Variants in SVIL observed in about 807,000 individuals in gnomAD.
The protein encoded by SVIL is archvillin.
In SVIL, 101 loss-of-function variants were observed where a neutral mutation model predicts 240.4. That is an observed-to-expected ratio of 0.42 (90% confidence interval 0.36 to 0.50). The LOEUF is 0.50. SVIL is among the 20% of genes least tolerant of loss of function. The probability of loss-of-function intolerance (pLI) is 0.01; values close to 1 mark genes in which losing one functional copy is unlikely to be tolerated. For synonymous variants in SVIL, 999 were observed against 1,100.0 expected, an observed-to-expected ratio of 0.91 and a Z score of 1.82; for missense variants, 2,512 against 2,818.7, an observed-to-expected ratio of 0.89 and a Z score of 2.46.
At chr10:29,578,370 A>C (rs1453725210) in intron 1 of SVIL, among the ~76,000 whole-genome samples, 1 of 152,238 alleles carries the variant, frequency 6.6e-6, no homozygotes, top group Admixed American at 6.5e-5. Context: ...ATAGGCTAAA[A>C]ATCCAGGAGA....
chr10:29,568,821 G>GGATA lies in SVIL; in HGVS notation c.-143+433_-143+434insTATC, dbSNP rs1554859019. On this transcript the variant is annotated intron_variant, in intron 2 of 37. Coordinates refer to ENST00000355867, the MANE Select transcript of SVIL (RefSeq NM_021738.3). Reference sequence around the variant, plus strand: ...TGGATGGATGGATGGATGGATGGATGTGTGTGTGTGTGTGTTTGTGTATGT... The same window carrying GGATA: ...TGGATGGATGGATGGATGGATGGATGGATATGTGTGTGTGTGTGTTTGTGTATGT... Among the ~76,000 whole-genome samples the GGATA allele has an allele frequency of 1.5e-3, 192 of 130,782 alleles. 2 individuals carry two copies. Among genetic ancestry groups the GGATA allele is most frequent in the Middle Eastern group, 8.3e-3 (2 of 242 alleles). 85.8% of individuals were successfully genotyped at this position (130,782 alleles called of 152,430 possible).
intron 16 of SVIL, among the ~76,000 whole-genome samples, chr10:29,518,996 C>T (rs1490596265): frequency 6.6e-6 from 1 of 152,158 alleles, no homozygotes; most frequent in African/African-American, 2.4e-5. Flanking sequence ...CACAACAAGG[C>T]TGAAGAAGAC....
intron 1 of SVIL, among the ~76,000 whole-genome samples, chr10:29,586,484 A>G (rs1956170893): frequency 6.6e-6 from 1 of 152,110 alleles, no homozygotes; most frequent in Non-Finnish European, 1.5e-5. Context: ...TATTCCACTT[A>G]GCTCACTTGT....
At chr10:29,686,793 C>T (rs1961098034) in intron 1 of SVIL, 2 of 152,210 alleles carry the variant, frequency 1.3e-5, no homozygotes, top group Admixed American at 1.3e-4. Context: ...ATATTCCTCA[C>T]TTCCATATGA....
chr10:29,584,262 G>A lies in SVIL; in HGVS notation c.-200-14950C>T, dbSNP rs563885061. On this transcript the variant is annotated intron_variant, in intron 1 of 37. Coordinates refer to ENST00000355867, the MANE Select transcript of SVIL (RefSeq NM_021738.3). ...TCCCATCCCTCTGCATGGTAAATGC[G>A]CCTGACAGCAATCACTTAGGCACAC... Among the ~76,000 whole-genome samples the A allele has an allele frequency of 8.5e-4, 129 of 152,320 alleles. 1 individual carries two copies. The highest frequency in any genetic ancestry group is 2.7e-3 in the African/African-American group (113 of 41,582).
chr10:29,548,201 T>G (rs4747668), intron 6 of SVIL, among the ~76,000 whole-genome samples: 64,087 of 152,030 alleles, frequency 0.42, 13,554 homozygotes, highest in East Asian at 0.43. Flanking sequence ...GTCTGCTTCA[T>G]ATGTGTTACT....
At chr10:29,509,358 A>AGAGAGAGAGAGAGAGAGAGAG (rs1949646864) in intron 17 of SVIL, among the ~76,000 whole-genome samples, 5 of 128,862 alleles carry the variant, frequency 3.9e-5, no homozygotes, top group African/African-American at 1.5e-4. Context: ...AGAGAGAGAG[A>AGAGAGAGAGAGAGAGAGAGAG]GAGAGAGAGA....
chr10:29,641,079 G>T (rs1230680616), intron 3 of SVIL, among the ~76,000 whole-genome samples: 1 of 152,072 alleles, frequency 6.6e-6, no homozygotes, highest in African/African-American at 2.4e-5. Context: ...AATCGTCCCA[G>T]ATCCTGGCCC....
At chr10:29,514,938 G>GT (rs1950111888) in intron 16 of SVIL, among the ~76,000 whole-genome samples, 1 of 152,168 alleles carries the variant, frequency 6.6e-6, no homozygotes, top group African/African-American at 2.4e-5. Context: ...CGACATCTAC[G>GT]TATGTGTACA....
rs562345433 is a variant in SVIL at position 29,487,468 on chromosome 10, T to C, written c.4349-169A>G. The stretch of plus-strand genomic sequence containing the variant: ...GCAGGGGGATTTAGAAAGGGCATGA[T>C]GATGGCACTAGCGGCTGCTTTCCTG... On this transcript the variant is annotated intron_variant, in intron 23 of 37. Transcript: ENST00000355867. The C allele has an allele frequency of 2.9e-4, 206 of 718,836 alleles. 3 individuals are homozygous for C. In the South Asian group the frequency reaches 4.1e-3, roughly 14 times the overall value. The allele number at this position is 718,836 out of a possible 1,614,324, so 44.5% of individuals were successfully genotyped here.
At chr10:29,551,864 G>A (rs555265199) in intron 5 of SVIL, among the ~76,000 whole-genome samples, 18 of 152,180 alleles carry the variant, frequency 1.2e-4, no homozygotes, top group African/African-American at 4.3e-4. Context: ...TAATCCCAGC[G>A]CTTTGGGAAA....
In SVIL at chr10:29,609,437, A is replaced by G. The variant is rs763360551; in HGVS notation, c.-201+24983T>C. Among the ~76,000 whole-genome samples the G allele has an allele frequency of 7.9e-5, 12 of 152,338 alleles. No homozygotes were observed. In the South Asian group the frequency reaches 1.2e-3, roughly 16 times the overall value. On this transcript the variant is annotated intron_variant, in intron 1 of 37. Coordinates refer to ENST00000355867, the MANE Select transcript of SVIL (RefSeq NM_021738.3). ...GTCCAGCCCATGAGCCACGGGCCAG[A>G]GCAAGGTGGTGGGACTGAAAGAGCT...
chr10:29,526,595 G>T (rs534123959), intron 13 of SVIL, among the ~76,000 whole-genome samples: 164 of 152,178 alleles, frequency 1.1e-3, no homozygotes, highest in African/African-American at 3.8e-3. Flanking sequence ...GAGCCACCGC[G>T]CCTGGCCAAT....
chr10:29,488,474 CA>C, intron 23 of SVIL, 126 bp downstream of exon 23: 1 of 1,148,052 alleles, frequency 8.7e-7, no homozygotes, highest in Non-Finnish European at 1.2e-6. Flanking sequence ...AAGGAACACA[CA>C]ATAAGTTCTC....
Position 29,512,851 on chromosome 10 carries a change from A to C in SVIL, c.3400T>G (p.Leu1134Val), listed in dbSNP as rs1949940136. 6.2e-7 allele frequency: 1 copy of C among 1,610,370 alleles called. No individual in the cohort carries two copies. The highest frequency in any genetic ancestry group is 1.3e-5 in the African/African-American group (1 of 74,856). ...CAATCTTCCTCCCCGCTTTTCTTCA[A>C]CAGTGCCAATCTAGGAGGAAAACAT... ...TMSIKERLAL[L>V]KKSGEEDWRN... Residue 1134 changes from leucine (L) to valine (V), a missense_variant, in exon 17 of 38, where the codon TTG becomes GTG. By Grantham distance (32) the Leu-to-Val change is conservative. This residue lies in a region of SVIL where 1,443 missense variants were observed against 1,486.6 expected (regional missense o/e 0.97). Coordinates refer to ENST00000355867, the MANE Select transcript of SVIL (RefSeq NM_021738.3).
rs184830772 is a variant in SVIL at position 29,676,890 on chromosome 10, A to G, written c.-301+9663T>C. On this transcript the variant is annotated intron_variant, in intron 2 of 35. Coordinates refer to the SVIL transcript ENST00000375400. ...CCTTGGGTCTTGGAAACACCTGTGG[A>G]GATTTAGCCTTGGTAACAACAGAGT... Among the ~76,000 whole-genome samples, 203 of 152,186 alleles carry G rather than the reference A, an allele frequency of 1.3e-3. 2 individuals are homozygous for G. Among genetic ancestry groups the G allele is most frequent in the African/African-American group, 4.7e-3 (194 of 41,520 alleles).
chr10:29,554,785 A>T lies in SVIL; in HGVS notation c.158T>A (p.Ile53Asn). Residue 53 changes from isoleucine (I) to asparagine (N), a missense_variant and splice_region_variant, in exon 5 of 38, where the codon ATC becomes AAC. Around this residue, in one of 3 missense-constraint regions of SVIL, gnomAD observed 1,443 missense variants for 1,486.6 expected, o/e 0.97. Coordinates refer to ENST00000355867, the MANE Select transcript of SVIL (RefSeq NM_021738.3). The part of the protein sequence containing the change: ...MRASDPASPH[I>N]GRSNEEEETS... ...GGGCCACCCAGCTCCACGCTCACCG[A>T]TGTGGGGGCTGGCAGGGTCGCTGGC... 2 of 1,593,536 alleles carry T rather than the reference A, an allele frequency of 1.3e-6. No homozygotes were observed. The highest frequency in any genetic ancestry group is 1.7e-6 in the Non-Finnish European group (2 of 1,171,258).
chr10:29,706,541 T>C (rs1589551153), intron 1 of SVIL, among the ~76,000 whole-genome samples: 2 of 152,320 alleles, frequency 1.3e-5, no homozygotes, highest in Middle Eastern at 6.8e-3. Flanking sequence ...CCTTGCAGAT[T>C]TTGGATATTA....
intron 1 of SVIL, among the ~76,000 whole-genome samples, chr10:29,599,535 C>A (rs1661174322): frequency 6.6e-6 from 1 of 152,094 alleles, no homozygotes; most frequent in Non-Finnish European, 1.5e-5. Flanking sequence ...TGTGCCTCAG[C>A]CTCCTGAGTA....
Sources: gnomAD v4.1 joint callset for allele counts (sites outside exome capture counted in the v4.1 genomes callset) on GRCh38, gnomAD v4.1.1 for gene constraint, gnomAD v4.1.1 regional missense constraint, MANE v1.5 for transcripts, NCBI Gene and HGNC (gene_info 2026-07-23, HGNC 2026-07-21) for gene names.